The following BRD7 variants were observed in gnomAD, a reference collection of about 807,000 sequenced individuals.
BRD7 encodes bromodomain containing 7, also known as bromodomain-containing protein 7.
Under a neutral mutation model 82.1 loss-of-function variants are expected in BRD7, and 15 were observed. The ratio of observed to expected loss-of-function variants is 0.18; its 90% CI spans 0.12 to 0.28. The LOEUF (loss-of-function observed/expected upper bound fraction) is 0.28, where lower values mean the gene tolerates loss of function less well. Ranked by LOEUF, BRD7 falls within the 10% of genes least tolerant of loss-of-function variation. BRD7 has a pLI of 1.00. For synonymous variants in BRD7, 232 were observed against 266.9 expected (o/e 0.87, Z 1.27); for missense variants, 638 against 779.9 (o/e 0.82, Z 2.17).
intron 5 of BRD7, chr16:50,349,475 G>T (rs750735830): frequency 2.8e-4 from 127 of 459,510 alleles, no homozygotes; most frequent in Admixed American, 1.4e-3. Context: ...CTCTCCTGCT[G>T]CCATGTGAAG....
Position 50,316,406 on chromosome 16 carries a change from TCA to T in BRD7, c.*2803_*2804del, listed in dbSNP as rs1329552310. 2 of 152,420 alleles carry T rather than the reference TCA, an allele frequency of 1.3e-5. No individual in the cohort carries two copies. Among genetic ancestry groups the T allele is most frequent in the Non-Finnish European group, 2.9e-5 (2 of 68,056 alleles). 9.4% of individuals were successfully genotyped at this position (152,420 alleles called of 1,614,324 possible). On this transcript the variant is annotated 3_prime_UTR_variant, in exon 17 of 17. Transcript: ENST00000394688. ...GGCCTTTCACCTCTTCCTTGATTAC[TCA>T]CACATCTTTGCGTTCTCCCCTGCCG...
intron 2 of BRD7, among the ~76,000 whole-genome samples, chr16:50,360,872 A>T (rs1421163267): frequency 6.6e-6 from 1 of 152,224 alleles, no homozygotes; most frequent in Non-Finnish European, 1.5e-5. Flanking sequence ...CGACTACCTC[A>T]GGAGGGACAC....
chr16:50,368,657 A>T, intron 1 of BRD7, 69 bp downstream of exon 1: 1 of 1,405,272 alleles, frequency 7.1e-7, no homozygotes, highest in Non-Finnish European at 9.5e-7. Flanking sequence ...CCCCGGAGCC[A>T]CTGGGAAAGA....
intron 6 of BRD7, among the ~76,000 whole-genome samples, 198 bp downstream of exon 6, chr16:50,339,778 T>C (rs964084534): frequency 6.6e-6 from 1 of 152,238 alleles, no homozygotes; most frequent in Non-Finnish European, 1.5e-5. Context: ...TTTGTATTGA[T>C]TCCAAGTAAG....
At chr16:50,339,382 T>C (rs548689789) in intron 6 of BRD7, among the ~76,000 whole-genome samples, 2 of 152,344 alleles carry the variant, frequency 1.3e-5, no homozygotes, top group African/African-American at 4.8e-5. Context: ...CTAAATGATA[T>C]AGCCTACTGC....
chr16:50,320,294 C>T lies in BRD7; in HGVS notation c.1710G>A (p.Pro570=), dbSNP rs148031885. Residue 570 remains proline, a synonymous_variant, in exon 15 of 17, where the codon CCG becomes CCA. Transcript: ENST00000394688. The part of the protein sequence containing the change: ...QNERLSTRPP[P]NMICLLGPSY... ...AGGGACCCAAGAGACAGATCATGTTCGGAGGGGGTCTGGTGCTCAAACGTT... is the reference window on the plus strand; with the variant it reads ...AGGGACCCAAGAGACAGATCATGTTTGGAGGGGGTCTGGTGCTCAAACGTT... The T allele has an allele frequency of 6.8e-5, 110 of 1,613,974 alleles. 1 individual carries two copies. In the African/African-American group the frequency reaches 8.0e-4, roughly 12 times the overall value.
At chr16:50,334,641 G>A (rs1207509700) in intron 7 of BRD7, 70 bp downstream of exon 7, 40 of 1,544,048 alleles carry the variant, frequency 2.6e-5, no homozygotes, top group Admixed American at 3.7e-5. Context: ...GTCAGGCCCC[G>A]AATAAGTATT....
intron 2 of BRD7, among the ~76,000 whole-genome samples, chr16:50,366,448 A>G (rs2039146636): frequency 6.6e-6 from 1 of 152,258 alleles, no homozygotes; most frequent in Non-Finnish European, 1.5e-5. Context: ...TTTGGGAAGA[A>G]TTATTAAGCA....
rs1404443200 is a variant in BRD7 at position 50,340,014 on chromosome 16, T to C, written c.664A>G (p.Lys222Glu). 2 of 1,600,686 alleles carry C rather than the reference T, an allele frequency of 1.2e-6. No homozygotes were observed. Among genetic ancestry groups the C allele is most frequent in the Non-Finnish European group, 1.7e-6 (2 of 1,174,200 alleles). Residue 222 changes from lysine to glutamate, a missense_variant, in exon 6 of 17, where the codon AAG becomes GAG. Lys to Glu is a moderately conservative substitution (Grantham distance 56, BLOSUM62 1). Around this residue, in one of 3 missense-constraint regions of BRD7, gnomAD observed 64 missense variants for 123.8 expected, o/e 0.52. Transcript: ENST00000394688. ...TTCATTCCTGAGTGCAACAGCTTCT[T>C]TGCAGCTTTATAATAAATGGTCTCT... is the stretch of plus-strand genomic sequence containing the variant. ...KPETIYYKAA[K>E]KLLHSGMKIL...
intron 6 of BRD7, among the ~76,000 whole-genome samples, chr16:50,339,032 C>T (rs1347960479): frequency 1.3e-5 from 2 of 152,250 alleles, no homozygotes; most frequent in East Asian, 3.8e-4. Flanking sequence ...CTTTTATCAA[C>T]TGTCGTCCTG....
Position 50,326,389 on chromosome 16 carries a change from G to A in BRD7, c.1090C>T (p.Pro364Ser). The stretch of plus-strand genomic sequence containing the variant: ...CCCAGTCTCACAGGGCAGTAGCCTG[G>A]CTCTACAACATAAAACAGAGCACAG... ...LHPVDPIVGE[P>S]GYCPVRLGMT... Residue 364 changes from proline (P) to serine (S), a missense_variant and splice_region_variant, in exon 10 of 17, where the codon CCA (proline) becomes TCA (serine). Coordinates refer to ENST00000394688, the MANE Select transcript of BRD7 (RefSeq NM_013263.5). 1.3e-6 allele frequency: 2 copies of A among 1,573,960 alleles called. No homozygotes were observed. Among genetic ancestry groups the A allele is most frequent in the South Asian group, 1.1e-5 (1 of 87,380 alleles).
At chr16:50,331,754 T>C (rs981113524) in intron 8 of BRD7, among the ~76,000 whole-genome samples, 1 of 151,996 alleles carries the variant, frequency 6.6e-6, no homozygotes, top group African/African-American at 2.4e-5. Context: ...AAGGCTACAA[T>C]AACCAAAACA....
intron 5 of BRD7, among the ~76,000 whole-genome samples, chr16:50,343,186 T>TCA (rs2038141918): frequency 1.3e-5 from 2 of 152,202 alleles, no homozygotes; most frequent in Admixed American, 1.3e-4. Context: ...TGGCTCTCTG[T>TCA]CCCCACCCCA....
chr16:50,361,256 T>G (rs1597097929), intron 2 of BRD7, among the ~76,000 whole-genome samples: 1 of 152,136 alleles, frequency 6.6e-6, no homozygotes, highest in Non-Finnish European at 1.5e-5. Flanking sequence ...AAATAGGTAC[T>G]TACTGGAATT....
chr16:50,318,905 G>T lies in BRD7; in HGVS notation c.*306C>A. 1 of 270,688 alleles carries T rather than the reference G, an allele frequency of 3.7e-6. No individual in the cohort carries two copies. Among genetic ancestry groups the T allele is most frequent in the Non-Finnish European group, 6.9e-6 (1 of 144,704 alleles). The allele number at this position is 270,688 out of a possible 1,614,324, so 16.8% of individuals were successfully genotyped here. On this transcript the variant is annotated 3_prime_UTR_variant, in exon 17 of 17. Coordinates refer to ENST00000394688, the MANE Select transcript of BRD7 (RefSeq NM_013263.5). ...GTATAACGGAAAATCTCACTGGATG[G>T]GGCCGTTTTAAGAACGCTTCTTAGT...
intron 2 of BRD7, among the ~76,000 whole-genome samples, chr16:50,361,525 T>A (rs760846741): frequency 6.6e-6 from 1 of 152,226 alleles, no homozygotes; most frequent in Non-Finnish European, 1.5e-5. Context: ...AATAAAGGAA[T>A]TGAGACCACT....
chr16:50,341,177 TACACACACACAC>T lies in BRD7; in HGVS notation c.592-1103_592-1092del, dbSNP rs57755008. On this transcript the variant is annotated intron_variant, in intron 5 of 16. Transcript: ENST00000394688. The stretch of plus-strand genomic sequence containing the variant: ...GAAAGCTATGGGACCAGACCTTAAG[TACACACACACAC>T]ACACACACACACACACACACACACA... Among the ~76,000 whole-genome samples the T allele has an allele frequency of 3.8e-3, 516 of 137,298 alleles. 7 individuals carry two copies. The highest frequency in any genetic ancestry group is 0.012 in the African/African-American group (466 of 38,172). The allele number at this position is 137,298 out of a possible 152,430, so 90.1% of individuals were successfully genotyped here. A position where few individuals can be genotyped will look rare whatever the true frequency, so the allele number is the denominator to read the frequency against.
intron 16 of BRD7, 44 bp from the exon 17 acceptor site, chr16:50,319,310 T>TTTAA (rs1230134848): frequency 1.9e-6 from 3 of 1,588,232 alleles, no homozygotes; most frequent in Non-Finnish European, 2.6e-6. Context: ...GTTTTTACCT[T>TTTAA]TTAATTAAAA....
In BRD7 at chr16:50,318,481, T is replaced by TATCTC. The variant is rs561633893; in HGVS notation, c.*725_*729dup. On this transcript the variant is annotated 3_prime_UTR_variant, in exon 17 of 17. Transcript: ENST00000394688. ...ATACCGATTCAGCAAAATCACCATT[T>TATCTC]ATCTCAGCTTGCTGATAAAAGGGGG... is the stretch of plus-strand genomic sequence containing the variant. 2.0e-5 allele frequency: 3 copies of TATCTC among 151,946 alleles called. No individual in the cohort carries two copies. Among genetic ancestry groups the TATCTC allele is most frequent in the East Asian group, 1.9e-4 (1 of 5,190 alleles). The allele number at this position is 151,946 out of a possible 1,614,324, so 9.4% of individuals were successfully genotyped here.
Sources: gnomAD v4.1 joint callset for allele counts (sites outside exome capture counted in the v4.1 genomes callset) on GRCh38, gnomAD v4.1.1 for gene constraint, gnomAD v4.1.1 regional missense constraint, MANE v1.5 for transcripts, NCBI Gene and HGNC (gene_info 2026-07-23, HGNC 2026-07-21) for gene names.